TRPC4: variants seen among roughly 807,000 people sequenced by gnomAD.
The protein encoded by TRPC4 is transient receptor potential cation channel subfamily C member 4.
In TRPC4, 49 loss-of-function variants were observed where a neutral mutation model predicts 99.4. The ratio of observed to expected loss-of-function variants is 0.49; its 90% CI spans 0.39 to 0.63. TRPC4 has a LOEUF of 0.63. Among genes scored for constraint, TRPC4 ranks in the 20% least tolerant of loss-of-function variants. TRPC4 has a pLI of 0.00. For missense variants in TRPC4, 898 were observed against 1,152.9 expected, an observed-to-expected ratio of 0.78 and a Z score of 3.20; for synonymous variants, 454 against 425.9, an observed-to-expected ratio of 1.07 and a Z score of -0.81.
intron 1 of TRPC4, among the ~76,000 whole-genome samples, chr13:37,864,097 C>G (rs1287496418): frequency 6.6e-6 from 1 of 151,622 alleles, no homozygotes; most frequent in Non-Finnish European, 1.5e-5. Context: ...TAATTTAAAA[C>G]AAATCCCTCA....
At chr13:37,752,581 C>G (rs1199341610) in intron 2 of TRPC4, among the ~76,000 whole-genome samples, 1 of 151,818 alleles carries the variant, frequency 6.6e-6, no homozygotes, top group Non-Finnish European at 1.5e-5. Flanking sequence ...CAAAATACCA[C>G]TTCTGCCCCC....
intron 5 of TRPC4, among the ~76,000 whole-genome samples, chr13:37,669,118 T>C (rs1346347893): frequency 1.3e-5 from 2 of 152,180 alleles, no homozygotes; most frequent in Non-Finnish European, 2.9e-5. Flanking sequence ...AGAAGAATGG[T>C]GCTATAAAGA....
intron 2 of TRPC4, among the ~76,000 whole-genome samples, chr13:37,769,346 C>T (rs750327385): frequency 2.0e-5 from 3 of 151,286 alleles, no homozygotes; most frequent in African/African-American, 4.8e-5. Flanking sequence ...AGGTGAACAT[C>T]GATCCCACAC....
rs949756124 is a variant in TRPC4 at position 37,636,244 on chromosome 13, C to T, written c.*659G>A. The stretch of plus-strand genomic sequence containing the variant: ...CTGACAAAATGTCGTTAAAAATCAT[C>T]AGTCATCAAAATGTATTAAGACAAA... On this transcript the variant is annotated 3_prime_UTR_variant, in exon 11 of 11. Transcript: ENST00000379705. 6.6e-6 allele frequency among the ~76,000 whole-genome samples: 1 copy of T among 151,816 alleles called. No homozygotes were observed. The highest frequency in any genetic ancestry group is 1.5e-5 in the Non-Finnish European group (1 of 67,954).
In TRPC4 at chr13:37,865,486, G is replaced by T. The variant is rs115094395; in HGVS notation, c.-28+4109C>A. 6.2e-3 allele frequency among the ~76,000 whole-genome samples: 932 copies of T among 151,340 alleles called. 15 individuals are homozygous for T. The highest frequency in any genetic ancestry group is 0.022 in the African/African-American group (907 of 41,420). On this transcript the variant is annotated intron_variant, in intron 1 of 10. Transcript: ENST00000379705. ...TTACATGTATTAGATTTATATTTAA[G>T]AATAAGAAAGGAAGTCATTTTGAGA...
At chr13:37,699,561 T>A (rs1178177320) in intron 3 of TRPC4, among the ~76,000 whole-genome samples, 1 of 152,178 alleles carries the variant, frequency 6.6e-6, no homozygotes, top group Non-Finnish European at 1.5e-5. Context: ...GCTAAAATGC[T>A]TGAGAATAAT....
At chr13:37,711,344 T>A (rs1359489261) in intron 3 of TRPC4, among the ~76,000 whole-genome samples, 5 of 152,018 alleles carry the variant, frequency 3.3e-5, no homozygotes, top group Non-Finnish European at 5.9e-5. Flanking sequence ...GTTTATGGTA[T>A]AAGCAATGAT....
rs145332624 is a variant in TRPC4 at position 37,810,201 on chromosome 13, G to C, written c.-27-26841C>G. On this transcript the variant is annotated intron_variant, in intron 1 of 10. Coordinates refer to ENST00000379705, the MANE Select transcript of TRPC4 (RefSeq NM_016179.4). The stretch of plus-strand genomic sequence containing the variant: ...CAGAATTCCATATTATTACACCTGA[G>C]TCTATTTTGATAAAACCAAATGCTT... 1.8e-3 allele frequency among the ~76,000 whole-genome samples: 272 copies of C among 152,116 alleles called. 2 individuals carry two copies. Among genetic ancestry groups the C allele is most frequent in the African/African-American group, 5.0e-3 (207 of 41,546 alleles).
intron 3 of TRPC4, among the ~76,000 whole-genome samples, chr13:37,695,807 A>T (rs9315508): frequency 0.54 from 82,051 of 151,962 alleles, 22,510 homozygotes; most frequent in African/African-American, 0.62. Flanking sequence ...ATCTAATCTC[A>T]TTTTTACAAA....
At chr13:37,673,644 T>C (rs1176988676) in intron 5 of TRPC4, among the ~76,000 whole-genome samples, 1 of 152,152 alleles carries the variant, frequency 6.6e-6, no homozygotes, top group Non-Finnish European at 1.5e-5. Flanking sequence ...AAATGTTTTA[T>C]GCAAATTATG....
chr13:37,770,257 C>T (rs1198361883), intron 2 of TRPC4, among the ~76,000 whole-genome samples: 1 of 151,462 alleles, frequency 6.6e-6, no homozygotes, highest in East Asian at 2.0e-4. Flanking sequence ...TAAATTTCCT[C>T]AACTTCTCTA....
intron 1 of TRPC4, among the ~76,000 whole-genome samples, chr13:37,827,468 G>C (rs1007445368): frequency 6.6e-6 from 1 of 152,134 alleles, no homozygotes; most frequent in African/African-American, 2.4e-5. Flanking sequence ...TGTCCTTTCT[G>C]TTTGTTAGTT....
chr13:37,745,929 ACACT>A lies in TRPC4; in HGVS notation c.897+4_897+7del. 2 of 1,605,476 alleles carry A rather than the reference ACACT, an allele frequency of 1.2e-6. No individual in the cohort carries two copies. The highest frequency in any genetic ancestry group is 1.7e-6 in the Non-Finnish European group (2 of 1,174,654). On this transcript the variant is annotated splice_donor_5th_base_variant and intron_variant, in intron 3 of 10. Transcript: ENST00000379705. Reference sequence around the variant, plus strand: ...GCATTTTGATGGATCAAGTCTGGCAACACTCACCTCTTTTTGACGGTACTTAATG... The same window carrying A: ...GCATTTTGATGGATCAAGTCTGGCAACACCTCTTTTTGACGGTACTTAATG...
chr13:37,854,139 C>T (rs651451), intron 1 of TRPC4, among the ~76,000 whole-genome samples: 3,357 of 152,024 alleles, frequency 0.022, 82 homozygotes, highest in African/African-American at 0.057. Flanking sequence ...ATATTGAATT[C>T]CCAAAGGTCA....
At position 37,746,426 on chromosome 13, in the gene TRPC4, G is replaced by A. The variant is rs1325465875; in HGVS notation, c.408C>T (p.Phe136=). The change falls in exon 3 of 11, where the codon TTC becomes TTT. Residue 136 remains phenylalanine, a synonymous_variant. Coordinates refer to ENST00000379705, the MANE Select transcript of TRPC4 (RefSeq NM_016179.4). ...GTGTAATGTCTGGAGTGAATTCAGA[G>A]AACTGCTTATCAAGGAGTATAGGAG... is the stretch of plus-strand genomic sequence containing the variant. ...QVPPILLDKQ[F]SEFTPDITPI... 1.9e-6 allele frequency: 3 copies of A among 1,609,318 alleles called. No homozygotes were observed. The highest frequency in any genetic ancestry group is 2.2e-5 in the East Asian group (1 of 44,628).
chr13:37,647,574 C>T (rs990593030), intron 8 of TRPC4, among the ~76,000 whole-genome samples: 2 of 152,190 alleles, frequency 1.3e-5, no homozygotes, highest in Admixed American at 6.5e-5. Flanking sequence ...CAATGGAAGA[C>T]CCAGCAATTT....
Position 37,757,186 on chromosome 13 carries a change from T to A in TRPC4, c.379-10731A>T, listed in dbSNP as rs573763891. 3.3e-4 allele frequency among the ~76,000 whole-genome samples: 50 copies of A among 152,186 alleles called. 2 individuals carry two copies. In the South Asian group the frequency reaches 7.3e-3, roughly 22 times the overall value. ...TAGACTACTTTTGAAATAATAAACA[T>A]ATATCAGATATATAGTGTAATAGTG... On this transcript the variant is annotated intron_variant, in intron 2 of 10. Transcript: ENST00000379705.
At chr13:37,821,912 C>T (rs1169010206) in intron 1 of TRPC4, among the ~76,000 whole-genome samples, 7 of 152,036 alleles carry the variant, frequency 4.6e-5, no homozygotes, top group East Asian at 3.9e-4. Context: ...GCAAAGATTT[C>T]GTGATGAAGA....
At chr13:37,768,694 AC>A (rs1365723974) in intron 2 of TRPC4, among the ~76,000 whole-genome samples, 1 of 150,636 alleles carries the variant, frequency 6.6e-6, no homozygotes, top group Non-Finnish European at 1.5e-5. Context: ...ACACACACAC[AC>A]ATCAGGATAG....
Sources: gnomAD v4.1 joint callset for allele counts (sites outside exome capture counted in the v4.1 genomes callset) on GRCh38, gnomAD v4.1.1 for gene constraint, MANE v1.5 for transcripts, NCBI Gene and HGNC (gene_info 2026-07-23, HGNC 2026-07-21) for gene names.